The following AEN variants were observed in gnomAD, a reference collection of about 807,000 sequenced individuals.
AEN encodes apoptosis-enhancing nuclease.
A neutral mutation model predicts 17.7 loss-of-function variants in AEN; 21 were observed. That is an observed-to-expected ratio of 1.19 (90% CI 0.84 to 1.71). AEN has a LOEUF of 1.71. Among genes scored for constraint, AEN ranks in the 40% most tolerant of loss-of-function variants. The pLI is 0.00. For missense variants in AEN, 462 were observed against 435.9 expected (o/e 1.06, Z -0.53); for synonymous variants, 190 against 173.0 (o/e 1.10, Z -0.77).
rs771754756 is a variant in AEN, at chr15:88,629,349, A to G, written c.664A>G (p.Ser222Gly). 6.2e-7 allele frequency: 1 copy of G among 1,614,020 alleles called. No individual in the cohort carries two copies. The highest frequency in any genetic ancestry group is 8.5e-7 in the Non-Finnish European group (1 of 1,179,978). Reference sequence around the variant, plus strand: ...TACGACCTATGTCCCAAACTTCCTCAGCGAGCCCGGCCTCCACACCCGGGC... The same window carrying G: ...TACGACCTATGTCCCAAACTTCCTCGGCGAGCCCGGCCTCCACACCCGGGC... ...RDTTYVPNFLSEPGLHTRARV... is the reference protein window; with the variant it reads ...RDTTYVPNFLGEPGLHTRARV... Residue 222 changes from serine (S) to glycine (G), a missense_variant, in exon 3 of 4, where the codon AGC (serine) becomes GGC (glycine). Coordinates refer to ENST00000332810, the MANE Select transcript of AEN (RefSeq NM_022767.4).
chr15:88,608,014 A>C, the AEN span: 1 of 458,042 alleles, frequency 2.2e-6, no homozygotes, highest in South Asian at 1.7e-5. Context: ...CCATAGCAAC[A>C]GTTGTGTGGT....
At chr15:88,619,341 G>C (rs1178552103), upstream of AEN, among the ~76,000 whole-genome samples, 1 of 152,112 alleles carries the variant, frequency 6.6e-6, no homozygotes, top group African/African-American at 2.4e-5. Flanking sequence ...AAGACCCCAG[G>C]CATATTCTGA....
chr15:88,626,152 GCCCCATTGGAAGATTACTC>G lies in AEN; in HGVS notation c.-54_-36del. 1 of 1,509,122 alleles carries G rather than the reference GCCCCATTGGAAGATTACTC, an allele frequency of 6.6e-7. No homozygotes were observed. Among genetic ancestry groups the G allele is most frequent in the Non-Finnish European group, 8.8e-7 (1 of 1,132,666 alleles). The allele number at this position is 1,509,122 out of a possible 1,614,324, so 93.5% of individuals were successfully genotyped here. A position where few individuals can be genotyped will look rare whatever the true frequency, so the allele number is the denominator to read the frequency against. Reference sequence around the variant, plus strand: ...CTGTGTGTTCTCTCTTCAGGCTGCTGCCCCATTGGAAGATTACTCCCCAGGCTTCCCTTGCCCCAAGCAG... The same window carrying G: ...CTGTGTGTTCTCTCTTCAGGCTGCTGCCCAGGCTTCCCTTGCCCCAAGCAG... On this transcript the variant is annotated 5_prime_UTR_variant, in exon 2 of 4. Coordinates refer to ENST00000332810, the MANE Select transcript of AEN (RefSeq NM_022767.4).
chr15:88,612,143 C>T, the AEN span, among the ~76,000 whole-genome samples: 1 of 152,134 alleles, frequency 6.6e-6, no homozygotes, highest in Non-Finnish European at 1.5e-5. Flanking sequence ...TGCTTCCATA[C>T]CACTACCTGA....
At chr15:88,629,480 C>A in intron 3 of AEN, 54 bp downstream of exon 3, 1 of 1,578,832 alleles carries the variant, frequency 6.3e-7, no homozygotes, top group Non-Finnish European at 8.6e-7. Flanking sequence ...GCCTCCATGC[C>A]ACCTGAGCCA....
chr15:88,611,336 C>G, the AEN span, among the ~76,000 whole-genome samples: 1 of 150,158 alleles, frequency 6.7e-6, no homozygotes, highest in Non-Finnish European at 1.5e-5. Context: ...TGGCTCACGT[C>G]TATAATCCCA....
At chr15:88,629,139 T>C (rs73451733) in intron 2 of AEN, 87 bp from the exon 3 acceptor site, 84,787 of 1,290,376 alleles carry the variant, frequency 0.066, 3,172 homozygotes, top group African/African-American at 0.12. Context: ...GATCCATGCA[T>C]CTATTGGCCA....
At chr15:88,623,088 A>G (rs1023220654) in intron 1 of AEN, among the ~76,000 whole-genome samples, 5 of 152,164 alleles carry the variant, frequency 3.3e-5, no homozygotes, top group African/African-American at 1.2e-4. Context: ...CCCCTTTCCC[A>G]AATTAGTTAT....
chr15:88,619,745 A>C (rs1596024464), upstream of AEN, among the ~76,000 whole-genome samples: 1 of 152,048 alleles, frequency 6.6e-6, no homozygotes, highest in South Asian at 2.1e-4. Flanking sequence ...TACCTCCCAC[A>C]GTCCCCATGC....
intron 1 of AEN, among the ~76,000 whole-genome samples, chr15:88,625,770 T>C (rs76610700): frequency 0.077 from 11,703 of 152,300 alleles, 526 homozygotes; most frequent in African/African-American, 0.11. Context: ...GCTAACAATA[T>C]TGGACTCAGC....
the AEN span, among the ~76,000 whole-genome samples, chr15:88,613,205 T>C: frequency 6.6e-6 from 1 of 152,186 alleles, no homozygotes; most frequent in Non-Finnish European, 1.5e-5. Context: ...GCAAGGCACT[T>C]GACCTCTCTG....
the AEN span, chr15:88,611,958 GC>G: frequency 2.1e-6 from 1 of 473,040 alleles, no homozygotes; most frequent in Admixed American, 2.5e-5. Flanking sequence ...AATGGGGGCA[GC>G]CCCCCTTTTT....
Position 88,628,689 on chromosome 15 carries a change from A to G in AEN, c.541-537A>G, listed in dbSNP as rs186302070. ...TGGTCTTTATTGATCACCTCCTGTG[A>G]TAAGTAAATAATCAATAAATGTAAT... is the stretch of plus-strand genomic sequence containing the variant. On this transcript the variant is annotated intron_variant, in intron 2 of 3. Transcript: ENST00000332810. 502 of 153,304 alleles carry G rather than the reference A, an allele frequency of 3.3e-3. 3 individuals carry two copies. Among genetic ancestry groups the G allele is most frequent in the African/African-American group, 0.011 (454 of 41,542 alleles). 9.5% of individuals were successfully genotyped at this position (153,304 alleles called of 1,614,324 possible). A position where few individuals can be genotyped will look rare whatever the true frequency, so the allele number is the denominator to read the frequency against.
the AEN span, among the ~76,000 whole-genome samples, chr15:88,612,150 C>A: frequency 6.6e-6 from 1 of 152,162 alleles, no homozygotes; most frequent in Non-Finnish European, 1.5e-5. Flanking sequence ...ATACCACTAC[C>A]TGAAGGGCAG....
chr15:88,623,458 C>G (rs1481261323), intron 1 of AEN, among the ~76,000 whole-genome samples: 1 of 152,136 alleles, frequency 6.6e-6, no homozygotes, highest in Non-Finnish European at 1.5e-5. Flanking sequence ...TTCATCTTCT[C>G]CAGACCTCTT....
the AEN span, chr15:88,611,891 C>T: frequency 3.9e-6 from 2 of 518,300 alleles, no homozygotes; most frequent in Non-Finnish European, 7.9e-6. Context: ...TCTTACTGCG[C>T]TCAACAACAA....
chr15:88,608,005 C>T, the AEN span: 1 of 447,436 alleles, frequency 2.2e-6, no homozygotes, highest in Admixed American at 2.2e-5. Flanking sequence ...AGTAATGTCC[C>T]ATAGCAACAG....
chr15:88,629,494 AC>A (rs1307912627), intron 3 of AEN, 68 bp downstream of exon 3: 1 of 1,558,956 alleles, frequency 6.4e-7, no homozygotes, highest in Non-Finnish European at 8.7e-7. Context: ...TGAGCCACAG[AC>A]AAGGCTTTGG....
chr15:88,625,676 T>G (rs899599882), intron 1 of AEN, among the ~76,000 whole-genome samples: 5 of 152,236 alleles, frequency 3.3e-5, no homozygotes, highest in Admixed American at 2.6e-4. Context: ...ATACAGTTTC[T>G]ATAACCTTTA....
Sources: allele counts gnomAD v4.1 joint callset (sites outside exome capture counted in the v4.1 genomes callset), GRCh38; gene constraint gnomAD v4.1.1; transcripts MANE v1.5; gene names NCBI Gene and HGNC (gene_info 2026-07-23, HGNC 2026-07-21).